Variants in ALDH1L1 observed in about 807,000 individuals in gnomAD.
The protein encoded by ALDH1L1 is aldehyde dehydrogenase 1 family member L1, also known as cytosolic 10-formyltetrahydrofolate dehydrogenase.
Under a neutral mutation model 101.1 loss-of-function variants are expected in ALDH1L1, and 68 were observed. The ratio of observed to expected loss-of-function variants is 0.67; its 90% CI spans 0.55 to 0.82. The LOEUF (loss-of-function observed/expected upper bound fraction) is 0.82, where lower values mean the gene tolerates loss of function less well. Ranked by LOEUF, ALDH1L1 falls within the 40% of genes least tolerant of loss-of-function variation. The pLI is 0.00. For synonymous variants in ALDH1L1, 486 were observed against 470.8 expected (o/e 1.03, Z -0.42); for missense variants, 1,087 against 1,172.7 (o/e 0.93, Z 1.07).
chr3:126,192,779 A>C (rs1382686063), intron 1 of ALDH1L1, among the ~76,000 whole-genome samples: 2 of 152,252 alleles, frequency 1.3e-5, no homozygotes, highest in African/African-American at 2.4e-5. Flanking sequence ...AGCTTGTTAA[A>C]AGAAAAACTT....
intron 21 of ALDH1L1, among the ~76,000 whole-genome samples, chr3:126,106,577 A>G (rs1945879891): frequency 6.6e-6 from 1 of 152,064 alleles, no homozygotes; most frequent in South Asian, 2.1e-4. Flanking sequence ...CTGGGATTCT[A>G]AAGAGCTAGA....
chr3:126,180,629 G>C (rs956354637), upstream of ALDH1L1: 2 of 1,296,466 alleles, frequency 1.5e-6, no homozygotes, highest in Non-Finnish European at 2.0e-6. Context: ...GAGCCCGTGA[G>C]GGGAGGGGCG....
chr3:126,107,067 C>G (rs539070788), intron 21 of ALDH1L1, 74 bp downstream of exon 21: 1 of 1,395,524 alleles, frequency 7.2e-7, no homozygotes, highest in African/African-American at 1.4e-5. Context: ...GACTACCTCC[C>G]AAAGCCCACA....
intron 16 of ALDH1L1, among the ~76,000 whole-genome samples, chr3:126,119,473 T>A (rs950762034): frequency 5.3e-5 from 8 of 152,250 alleles, no homozygotes; most frequent in African/African-American, 1.9e-4. Context: ...CCCTTTTCCA[T>A]CCCATGACTC....
In ALDH1L1 at chr3:126,180,529, C is replaced by G; in HGVS notation, c.-77G>C. 9.8e-7 allele frequency: 1 copy of G among 1,022,218 alleles called. No homozygotes were observed. Among genetic ancestry groups the G allele is most frequent in the South Asian group, 4.2e-5 (1 of 23,998 alleles). 63.3% of individuals were successfully genotyped at this position (1,022,218 alleles called of 1,614,324 possible). The stretch of plus-strand genomic sequence containing the variant: ...GGGCAGGTTAGACTTCTGTGAGCCG[C>G]AGCCCCGAAACTGAGGTTGGTGCAG... On this transcript the variant is annotated 5_prime_UTR_variant, in exon 1 of 23. Coordinates refer to ENST00000393434, the MANE Select transcript of ALDH1L1 (RefSeq NM_012190.4).
chr3:126,140,015 T>C (rs1006788449), intron 9 of ALDH1L1, among the ~76,000 whole-genome samples: 1 of 151,924 alleles, frequency 6.6e-6, no homozygotes, highest in Non-Finnish European at 1.5e-5. Flanking sequence ...GCCCCAAAGT[T>C]CCCAAACATG....
At chr3:126,142,870 C>T (rs2080593947) in intron 9 of ALDH1L1, among the ~76,000 whole-genome samples, 2 of 152,150 alleles carry the variant, frequency 1.3e-5, no homozygotes, top group South Asian at 4.1e-4. Flanking sequence ...GGGGTTGTTC[C>T]AAGGCTCCCA....
intron 15 of ALDH1L1, 88 bp downstream of exon 15, chr3:126,125,528 G>A: frequency 9.1e-7 from 1 of 1,094,146 alleles, no homozygotes; most frequent in Non-Finnish European, 1.2e-6. Flanking sequence ...GTGTGGCCAA[G>A]AGAGGCCCTT....
chr3:126,141,050 G>C (rs975311640), intron 9 of ALDH1L1, among the ~76,000 whole-genome samples: 2 of 151,938 alleles, frequency 1.3e-5, no homozygotes, highest in Admixed American at 1.3e-4. Context: ...TGCTACAAGA[G>C]AATCACTTAG....
intron 12 of ALDH1L1, among the ~76,000 whole-genome samples, chr3:126,132,486 C>T (rs1015965639): frequency 2.0e-5 from 3 of 152,214 alleles, no homozygotes; most frequent in Non-Finnish European, 2.9e-5. Flanking sequence ...GGCCACAAGA[C>T]CCCAGCTCCT....
In ALDH1L1 at chr3:126,162,979, CTT is replaced by C. The variant is rs2081091817; in HGVS notation, c.-23-1979_-23-1978del. Among the ~76,000 whole-genome samples the C allele has an allele frequency of 2.6e-5, 4 of 152,342 alleles. 1 individual carries two copies. In the South Asian group the frequency reaches 8.3e-4, roughly 32 times the overall value. On this transcript the variant is annotated intron_variant, in intron 1 of 22. Transcript: ENST00000393434. Reference sequence around the variant, plus strand: ...AAGGATCATACATGTACACATCTATCTTTGAAACTTTAGTCAGTTTGTCTATC... The same window carrying C: ...AAGGATCATACATGTACACATCTATCTGAAACTTTAGTCAGTTTGTCTATC...
intron 17 of ALDH1L1, among the ~76,000 whole-genome samples, chr3:126,116,208 G>A (rs1180621182): frequency 6.6e-6 from 1 of 151,206 alleles, no homozygotes; most frequent in Non-Finnish European, 1.5e-5. Context: ...TAAATAAAAT[G>A]TTCAAATTGA....
intron 1 of ALDH1L1, among the ~76,000 whole-genome samples, chr3:126,162,370 A>G (rs1421581338): frequency 6.6e-6 from 1 of 152,204 alleles, no homozygotes; most frequent in African/African-American, 2.4e-5. Flanking sequence ...TTTTCCTAAC[A>G]TGAAATACAG....
chr3:126,107,417 C>T (rs1279878454), intron 20 of ALDH1L1, among the ~76,000 whole-genome samples, 171 bp from the exon 21 acceptor site: 1 of 152,212 alleles, frequency 6.6e-6, no homozygotes, highest in Non-Finnish European at 1.5e-5. Context: ...GCTCTCCCAC[C>T]TGGCTTGTTC....
At chr3:126,104,042 C>G in intron 22 of ALDH1L1, 196 bp from the exon 23 acceptor site, 1 of 615,292 alleles carries the variant, frequency 1.6e-6, no homozygotes, top group Non-Finnish European at 2.9e-6. Context: ...CCAGGACTCC[C>G]CAGAATACAA....
rs774190831 is a variant in ALDH1L1 at position 126,103,672 on chromosome 3, C to A, written c.*119G>T. 3.8e-6 allele frequency: 4 copies of A among 1,049,860 alleles called. No individual in the cohort carries two copies. The African/African-American group carries it at 4.7e-5, about 12-fold the overall frequency. 65.0% of individuals were successfully genotyped at this position (1,049,860 alleles called of 1,614,324 possible). On this transcript the variant is annotated 3_prime_UTR_variant, in exon 23 of 23. Coordinates refer to ENST00000393434, the MANE Select transcript of ALDH1L1 (RefSeq NM_012190.4). ...GCGTCCAAGATGCAGACATGGTGTG[C>A]AGGCAGGAGGGCTTCCACTAGCCCC...
intron 21 of ALDH1L1, 97 bp from the exon 22 acceptor site, chr3:126,106,022 G>A (rs745778125): frequency 5.0e-5 from 62 of 1,252,078 alleles, no homozygotes; most frequent in Non-Finnish European, 6.6e-5. Flanking sequence ...AGCTGCATAA[G>A]ACCTTCCGAG....
chr3:126,143,378 G>A (rs77617171), intron 9 of ALDH1L1, among the ~76,000 whole-genome samples: 72 of 152,222 alleles, frequency 4.7e-4, no homozygotes, highest in Non-Finnish European at 9.4e-4. Context: ...GGTGATCCAC[G>A]TATCAGGTGG....
intron 1 of ALDH1L1, chr3:126,179,910 T>TG (rs1180225844): frequency 6.6e-6 from 1 of 152,210 alleles, no homozygotes; most frequent in African/African-American, 2.4e-5. Flanking sequence ...ACCGTCCACT[T>TG]GAGCGCAGTG....
Sources: allele counts gnomAD v4.1 joint callset (sites outside exome capture counted in the v4.1 genomes callset), GRCh38; gene constraint gnomAD v4.1.1; transcripts MANE v1.5; gene names NCBI Gene and HGNC (gene_info 2026-07-23, HGNC 2026-07-21).